Variants in HCN1 observed in about 807,000 individuals in gnomAD.
The protein encoded by HCN1 is hyperpolarization activated cyclic nucleotide gated potassium channel 1.
In HCN1, 13 loss-of-function variants were observed where a neutral mutation model predicts 78.9. The ratio of observed to expected loss-of-function variants is 0.16; its 90% CI spans 0.11 to 0.26. The LOEUF is 0.26. HCN1 is among the 10% of genes least tolerant of loss of function. The pLI is 1.00. For synonymous variants in HCN1, 552 were observed against 455.5 expected (o/e 1.21, Z -2.70); for missense variants, 810 against 1,154.3 (o/e 0.70, Z 4.32).
intron 4 of HCN1, among the ~76,000 whole-genome samples, chr5:45,378,540 T>C (rs2112022776): frequency 6.6e-6 from 1 of 152,224 alleles, no homozygotes; most frequent in South Asian, 2.1e-4. Context: ...ATGTGGAGGT[T>C]GATAAGTAAT....
At chr5:45,367,353 T>C (rs1035216021) in intron 4 of HCN1, among the ~76,000 whole-genome samples, 1 of 151,882 alleles carries the variant, frequency 6.6e-6, no homozygotes, top group African/African-American at 2.4e-5. Context: ...CATATATGTA[T>C]GTATTTTGTA....
At chr5:45,551,901 C>T (rs992844188) in intron 2 of HCN1, among the ~76,000 whole-genome samples, 6 of 151,742 alleles carry the variant, frequency 4.0e-5, no homozygotes, top group Non-Finnish European at 8.8e-5. Context: ...TTGTAATTAG[C>T]CAAAATGGTA....
intron 2 of HCN1, among the ~76,000 whole-genome samples, chr5:45,610,608 A>G (rs961664774): frequency 6.7e-6 from 1 of 150,056 alleles, no homozygotes; most frequent in African/African-American, 2.4e-5. Flanking sequence ...CAGACATCTT[A>G]TGGTGAAATA....
intron 4 of HCN1, among the ~76,000 whole-genome samples, chr5:45,382,852 T>G (rs1747836373): frequency 6.6e-6 from 1 of 152,182 alleles, no homozygotes; most frequent in South Asian, 2.1e-4. Context: ...ACTGATGCAC[T>G]TAAGCAATTG....
Position 45,659,556 on chromosome 5 carries a change from A to G in HCN1, c.426-13948T>C, listed in dbSNP as rs962095448. Among the ~76,000 whole-genome samples the G allele has an allele frequency of 1.6e-4, 23 of 146,154 alleles. No individual in the cohort carries two copies. In the South Asian group the frequency reaches 3.3e-3, roughly 21 times the overall value. On this transcript the variant is annotated intron_variant, in intron 1 of 7. Transcript: ENST00000303230. ...AAGGCAAAGAAGTTGAAAACTTTGA[A>G]AAAAAATTAGAAGAATGTAAAACTA...
At chr5:45,658,186 T>C (rs1745816340) in intron 1 of HCN1, among the ~76,000 whole-genome samples, 1 of 152,186 alleles carries the variant, frequency 6.6e-6, no homozygotes, top group South Asian at 2.1e-4. Context: ...GCTAGCCATA[T>C]GTAGAAAGCT....
At chr5:45,337,381 T>C (rs534166174) in intron 5 of HCN1, among the ~76,000 whole-genome samples, 8 of 152,234 alleles carry the variant, frequency 5.3e-5, no homozygotes, top group African/African-American at 1.9e-4. Context: ...ATAGTATAAC[T>C]GACAGTGATA....
At chr5:45,306,163 C>T (rs1336662691) in intron 5 of HCN1, among the ~76,000 whole-genome samples, 2 of 151,854 alleles carry the variant, frequency 1.3e-5, no homozygotes, top group African/African-American at 2.4e-5. Context: ...CAGAATAATA[C>T]TGTGTAGGAA....
At chr5:45,451,792 A>G (rs994749286) in intron 3 of HCN1, among the ~76,000 whole-genome samples, 10 of 152,024 alleles carry the variant, frequency 6.6e-5, no homozygotes, top group African/African-American at 2.4e-4. Flanking sequence ...AAATTCAATT[A>G]TATCCACATT....
intron 1 of HCN1, among the ~76,000 whole-genome samples, chr5:45,668,856 C>T (rs1404555337): frequency 3.3e-5 from 5 of 151,846 alleles, no homozygotes; most frequent in African/African-American, 4.8e-5. Context: ...AAGCCAAAAT[C>T]GTGGTCCACT....
chr5:45,316,434 A>C (rs1481897343), intron 5 of HCN1, among the ~76,000 whole-genome samples: 1 of 152,194 alleles, frequency 6.6e-6, no homozygotes, highest in African/African-American at 2.4e-5. Flanking sequence ...AGAGCTACTT[A>C]AGACAAACCC....
At chr5:45,454,834 G>C (rs1396265594) in intron 3 of HCN1, among the ~76,000 whole-genome samples, 1 of 151,948 alleles carries the variant, frequency 6.6e-6, no homozygotes, top group Admixed American at 6.6e-5. Context: ...TTGTATATGT[G>C]AGCTTACATA....
chr5:45,314,555 GAC>G (rs1278334962), intron 5 of HCN1, among the ~76,000 whole-genome samples: 1 of 152,096 alleles, frequency 6.6e-6, no homozygotes, highest in African/African-American at 2.4e-5. Flanking sequence ...CCAATTAAAA[GAC>G]ACAGACTGGC....
intron 2 of HCN1, among the ~76,000 whole-genome samples, chr5:45,580,732 C>T (rs534608370): frequency 6.6e-6 from 1 of 152,052 alleles, no homozygotes; most frequent in African/African-American, 2.4e-5. Context: ...TGTTCCTCTT[C>T]CTGTGGCCAT....
chr5:45,301,154 T>C (rs1386581208), intron 6 of HCN1, among the ~76,000 whole-genome samples: 1 of 151,998 alleles, frequency 6.6e-6, no homozygotes, highest in Non-Finnish European at 1.5e-5. Context: ...ATGAGGAACA[T>C]TTCTTAAAGT....
At chr5:45,499,419 G>C (rs376219173) in intron 2 of HCN1, among the ~76,000 whole-genome samples, 1 of 152,304 alleles carries the variant, frequency 6.6e-6, no homozygotes, top group Admixed American at 6.5e-5. Flanking sequence ...CACTTCCCAA[G>C]TGAGGCAATG....
At chr5:45,521,445 G>T (rs894328047) in intron 2 of HCN1, among the ~76,000 whole-genome samples, 1 of 151,950 alleles carries the variant, frequency 6.6e-6, no homozygotes, top group African/African-American at 2.4e-5. Context: ...AGGTTTGTGA[G>T]GAAAAATCTG....
chr5:45,285,655 C>T (rs1481254519), intron 6 of HCN1, among the ~76,000 whole-genome samples: 2 of 151,788 alleles, frequency 1.3e-5, no homozygotes, highest in Non-Finnish European at 2.9e-5. Flanking sequence ...TAGCCAAGAT[C>T]AATCACCACC....
intron 2 of HCN1, among the ~76,000 whole-genome samples, chr5:45,466,251 G>T (rs773166987): frequency 6.6e-6 from 1 of 152,078 alleles, no homozygotes; most frequent in Non-Finnish European, 1.5e-5. Context: ...CTAATAGCTT[G>T]TATATAAAAC....
Sources: gnomAD v4.1 joint callset for allele counts (sites outside exome capture counted in the v4.1 genomes callset) on GRCh38, gnomAD v4.1.1 for gene constraint, MANE v1.5 for transcripts, NCBI Gene and HGNC (gene_info 2026-07-23, HGNC 2026-07-21) for gene names.